SLCO5A1: variants seen among roughly 807,000 people sequenced by gnomAD.
SLCO5A1 encodes solute carrier organic anion transporter family member 5A1, also known as organic anion transporter polypeptide-related protein 4.
SLCO5A1 carries 39 observed loss-of-function variants against 65.1 expected under a neutral mutation model. That is an observed-to-expected ratio of 0.60 (90% CI 0.46 to 0.78). SLCO5A1 has a LOEUF of 0.78. Among genes scored for constraint, SLCO5A1 ranks in the 30% least tolerant of loss-of-function variants. The pLI is 0.00. For synonymous variants in SLCO5A1, 438 were observed against 415.7 expected, an observed-to-expected ratio of 1.05 and a Z score of -0.65; for missense variants, 1,029 against 1,069.4, an observed-to-expected ratio of 0.96 and a Z score of 0.53.
chr8:69,797,132 T>C (rs912484835), intron 2 of SLCO5A1, among the ~76,000 whole-genome samples: 4 of 152,224 alleles, frequency 2.6e-5, no homozygotes, highest in Non-Finnish European at 4.4e-5. Context: ...GAAGATTTCA[T>C]GGACATTTGT....
At chr8:69,827,165 G>C (rs1254437184) in intron 2 of SLCO5A1, among the ~76,000 whole-genome samples, 1 of 107,240 alleles carries the variant, frequency 9.3e-6, no homozygotes, top group Non-Finnish European at 1.8e-5. Context: ...GGGGAGGGGG[G>C]AGGGATAGCT....
chr8:69,692,462 C>A (rs1814310000), intron 6 of SLCO5A1, among the ~76,000 whole-genome samples: 1 of 152,100 alleles, frequency 6.6e-6, no homozygotes, highest in Admixed American at 6.5e-5. Context: ...AACCACAGTT[C>A]TTTCTTCAAT....
chr8:69,821,839 C>CAAT, intron 2 of SLCO5A1, among the ~76,000 whole-genome samples: 1 of 142,820 alleles, frequency 7.0e-6, no homozygotes, highest in East Asian at 2.1e-4. Context: ...AAAAGAAAAA[C>CAAT]AATATGGCCA....
intron 3 of SLCO5A1, among the ~76,000 whole-genome samples, chr8:69,759,031 A>C (rs977997205): frequency 6.6e-6 from 1 of 152,180 alleles, no homozygotes; most frequent in Non-Finnish European, 1.5e-5. Flanking sequence ...GTGACTACCT[A>C]TGGTTGTTCC....
chr8:69,797,627 G>T (rs530009050), intron 2 of SLCO5A1, among the ~76,000 whole-genome samples: 1 of 152,204 alleles, frequency 6.6e-6, no homozygotes, highest in Non-Finnish European at 1.5e-5. Context: ...ACTTCGTGGC[G>T]GGGGGTGGCC....
At chr8:69,740,674 A>AG (rs1239826301) in intron 4 of SLCO5A1, among the ~76,000 whole-genome samples, 1 of 152,202 alleles carries the variant, frequency 6.6e-6, no homozygotes, top group East Asian at 1.9e-4. Context: ...CCCTGGAAAA[A>AG]TGTCTAACTT....
At chr8:69,758,524 C>A (rs1197995456) in intron 3 of SLCO5A1, among the ~76,000 whole-genome samples, 2 of 152,156 alleles carry the variant, frequency 1.3e-5, no homozygotes, top group Middle Eastern at 3.4e-3. Context: ...CCCATCCCAG[C>A]CCCAGCCATT....
intron 5 of SLCO5A1, among the ~76,000 whole-genome samples, chr8:69,715,433 C>A (rs1404018668): frequency 6.6e-6 from 1 of 152,216 alleles, no homozygotes; most frequent in African/African-American, 2.4e-5. Context: ...GGGCAAGATC[C>A]ATTTTCTGTC....
chr8:69,767,570 A>G (rs1256455647), intron 2 of SLCO5A1, among the ~76,000 whole-genome samples: 1 of 152,184 alleles, frequency 6.6e-6, no homozygotes, highest in Non-Finnish European at 1.5e-5. Flanking sequence ...AAGCATGTGG[A>G]ATGCCTGGCA....
At chr8:69,747,907 CA>C (rs1222509229) in intron 4 of SLCO5A1, among the ~76,000 whole-genome samples, 1 of 152,168 alleles carries the variant, frequency 6.6e-6, no homozygotes, top group Non-Finnish European at 1.5e-5. Context: ...CCAGAAGAAT[CA>C]AACTATTTTT....
intron 6 of SLCO5A1, among the ~76,000 whole-genome samples, chr8:69,700,681 A>G (rs1003247631): frequency 6.6e-6 from 1 of 152,062 alleles, no homozygotes; most frequent in African/African-American, 2.4e-5. Flanking sequence ...GCATTGGGAA[A>G]AAGAAAAGCC....
At chr8:69,789,785 T>C in intron 2 of SLCO5A1, among the ~76,000 whole-genome samples, 1 of 152,316 alleles carries the variant, frequency 6.6e-6, no homozygotes, top group East Asian at 1.9e-4. Context: ...TACAACATGT[T>C]GTAAACCTCA....
chr8:69,715,351 G>A (rs534477465), intron 5 of SLCO5A1, among the ~76,000 whole-genome samples: 2 of 152,294 alleles, frequency 1.3e-5, no homozygotes, highest in South Asian at 4.1e-4. Context: ...TCTGTACTGG[G>A]TTTCCATTCA....
rs1372388844 is a variant in SLCO5A1, at chr8:69,672,268, C to T, written c.*601G>A. ...TGGTTCCTCTGAAGCATTTGAAAAA[C>T]TCTACCTGATTTATAACTGCTATGG... On this transcript the variant is annotated 3_prime_UTR_variant, in exon 10 of 10. Transcript: ENST00000260126. The T allele has an allele frequency of 6.5e-6, 1 of 153,062 alleles. No individual in the cohort carries two copies. Among genetic ancestry groups the T allele is most frequent in the Non-Finnish European group, 1.5e-5 (1 of 68,638 alleles). The allele number at this position is 153,062 out of a possible 1,614,324, so 9.5% of individuals were successfully genotyped here.
chr8:69,796,723 C>T (rs1477417559), intron 2 of SLCO5A1, among the ~76,000 whole-genome samples: 1 of 151,344 alleles, frequency 6.6e-6, no homozygotes, highest in East Asian at 1.9e-4. Context: ...ACTTTCAGGT[C>T]ATTTCTTTGC....
At chr8:69,750,123 G>A (rs1172243511) in intron 4 of SLCO5A1, among the ~76,000 whole-genome samples, 1 of 152,184 alleles carries the variant, frequency 6.6e-6, no homozygotes, top group Non-Finnish European at 1.5e-5. Flanking sequence ...AGGTAACCAG[G>A]GGTTAAATCA....
At chr8:69,723,743 G>A (rs967191568) in intron 5 of SLCO5A1, among the ~76,000 whole-genome samples, 2 of 150,384 alleles carry the variant, frequency 1.3e-5, no homozygotes, top group African/African-American at 2.4e-5. Context: ...TAGGATAGGT[G>A]CTCATTCGTT....
intron 2 of SLCO5A1, among the ~76,000 whole-genome samples, chr8:69,773,226 C>A (rs1386579869): frequency 6.6e-6 from 1 of 152,208 alleles, no homozygotes; most frequent in East Asian, 1.9e-4. Flanking sequence ...CTGCCAGTCC[C>A]TCTTCTCTGC....
intron 2 of SLCO5A1, among the ~76,000 whole-genome samples, chr8:69,766,935 T>C (rs1027078183): frequency 4.6e-5 from 7 of 152,218 alleles, no homozygotes; most frequent in African/African-American, 1.7e-4. Context: ...TCTACTGTCA[T>C]GAACAACAGT....
Sources: gnomAD v4.1 joint callset for allele counts (sites outside exome capture counted in the v4.1 genomes callset) on GRCh38, gnomAD v4.1.1 for gene constraint, MANE v1.5 for transcripts, NCBI Gene and HGNC (gene_info 2026-07-23, HGNC 2026-07-21) for gene names.